Variants in CCSER1 observed in about 807,000 individuals in gnomAD.
CCSER1 encodes serine-rich coiled-coil domain-containing protein 1.
Under a neutral mutation model 82.0 loss-of-function variants are expected in CCSER1, and 41 were observed. That is an observed-to-expected ratio of 0.50 (90% confidence interval 0.39 to 0.65). The LOEUF (loss-of-function observed/expected upper bound fraction) is 0.65. Ranked by LOEUF, CCSER1 falls within the 30% of genes least tolerant of loss-of-function variation. CCSER1 has a pLI of 0.00. For missense variants in CCSER1, 1,119 were observed against 1,064.2 expected, an observed-to-expected ratio of 1.05 and a Z score of -0.72; for synonymous variants, 414 against 383.9, an observed-to-expected ratio of 1.08 and a Z score of -0.92.
At chr4:91,164,314 G>A (rs1195822908) in intron 10 of CCSER1, among the ~76,000 whole-genome samples, 2 of 152,114 alleles carry the variant, frequency 1.3e-5, no homozygotes, top group African/African-American at 4.8e-5. Context: ...TAGTCTGATG[G>A]GCTTCCCTTT....
chr4:91,120,189 C>A (rs1171299022), intron 10 of CCSER1, among the ~76,000 whole-genome samples: 1 of 151,868 alleles, frequency 6.6e-6, no homozygotes, highest in African/African-American at 2.4e-5. Flanking sequence ...TTCATTAATT[C>A]AATATTAAGT....
At position 91,496,707 on chromosome 4, in the gene CCSER1, T is replaced by A. The variant is rs1268323739; in HGVS notation, c.2218-101865T>A. ...AATATATATATATTCAATATATATA[T>A]ATATTCAATATATAGAATATATATA... On this transcript the variant is annotated intron_variant, in intron 10 of 10. Transcript: ENST00000509176. Among the ~76,000 whole-genome samples the A allele has an allele frequency of 4.2e-4, 16 of 37,758 alleles. 4 individuals are homozygous for A. Among genetic ancestry groups the A allele is most frequent in the East Asian group, 2.4e-3 (1 of 410 alleles). 24.8% of individuals were successfully genotyped at this position (37,758 alleles called of 152,430 possible).
intron 3 of CCSER1, among the ~76,000 whole-genome samples, chr4:90,325,241 T>A (rs547538878): frequency 6.6e-6 from 1 of 152,340 alleles, no homozygotes; most frequent in Admixed American, 6.5e-5. Flanking sequence ...TTACTATAAA[T>A]AGTCATGTTG....
chr4:90,396,660 A>G (rs1752003998), intron 3 of CCSER1, among the ~76,000 whole-genome samples: 1 of 152,038 alleles, frequency 6.6e-6, no homozygotes, highest in Non-Finnish European at 1.5e-5. Flanking sequence ...TCATATTGCC[A>G]GAGATTACCT....
intron 5 of CCSER1, among the ~76,000 whole-genome samples, chr4:90,564,815 G>GA: frequency 6.6e-6 from 1 of 151,874 alleles, no homozygotes; most frequent in East Asian, 1.9e-4. Flanking sequence ...CTCCTTTGTT[G>GA]AAAATCAGTT....
chr4:91,129,294 C>T (rs1436295609), intron 10 of CCSER1, among the ~76,000 whole-genome samples: 1 of 151,770 alleles, frequency 6.6e-6, no homozygotes, highest in Admixed American at 6.6e-5. Flanking sequence ...GACCGAAATC[C>T]TTCCATAAAC....
At chr4:91,396,143 T>G (rs1381975311) in intron 10 of CCSER1, among the ~76,000 whole-genome samples, 1 of 152,102 alleles carries the variant, frequency 6.6e-6, no homozygotes, top group Non-Finnish European at 1.5e-5. Flanking sequence ...GGCAACCAAC[T>G]GGGTCCTGTG....
chr4:91,298,823 C>T (rs1210157782), intron 10 of CCSER1, among the ~76,000 whole-genome samples: 1 of 151,920 alleles, frequency 6.6e-6, no homozygotes, highest in African/African-American at 2.4e-5. Flanking sequence ...CCAGCTTTTA[C>T]AAAATCCTCC....
chr4:90,592,424 T>C (rs116826461), intron 5 of CCSER1, among the ~76,000 whole-genome samples: 2,917 of 152,218 alleles, frequency 0.019, 107 homozygotes, highest in African/African-American at 0.067. Context: ...AAAATGTTTA[T>C]AGGGATACAT....
intron 1 of CCSER1, among the ~76,000 whole-genome samples, chr4:90,248,641 A>G (rs1425369307): frequency 6.6e-6 from 1 of 151,934 alleles, no homozygotes; most frequent in East Asian, 1.9e-4. Flanking sequence ...GGTCTAGAGG[A>G]GGGTGGATTT....
At chr4:90,299,745 T>A (rs1732732556) in intron 1 of CCSER1, among the ~76,000 whole-genome samples, 1 of 152,146 alleles carries the variant, frequency 6.6e-6, no homozygotes, top group Non-Finnish European at 1.5e-5. Context: ...GTAGATAGCA[T>A]GGTCTTTCTA....
Position 90,308,477 on chromosome 4 carries a change from A to T in CCSER1, c.193A>T (p.Thr65Ser). 6.2e-7 allele frequency: 1 copy of T among 1,613,738 alleles called. No homozygotes were observed. Among genetic ancestry groups the T allele is most frequent in the South Asian group, 1.1e-5 (1 of 91,068 alleles). Residue 65 changes from threonine (T) to serine (S), a missense_variant, in exon 2 of 11, where the codon ACT (threonine) becomes TCT (serine). By Grantham distance (58) the Thr-to-Ser change is moderately conservative (BLOSUM62 1). Transcript: ENST00000509176. ...AGGTAAACGGAGGAGCATATTCCGT[A>T]CTCCTTCCATTAGCTTCCACCATAA... ...STGKRRSIFR[T>S]PSISFHHKKG...
intron 4 of CCSER1, among the ~76,000 whole-genome samples, chr4:90,408,351 AC>A (rs1460601187): frequency 1.3e-5 from 2 of 152,024 alleles, no homozygotes. Flanking sequence ...TGGGTCCCTG[AC>A]CCCCGAGTAG....
intron 3 of CCSER1, among the ~76,000 whole-genome samples, chr4:90,334,856 GT>G (rs1303359717): frequency 6.6e-6 from 1 of 152,084 alleles, no homozygotes; most frequent in Non-Finnish European, 1.5e-5. Flanking sequence ...CAATTTATTA[GT>G]GACTGAAGTC....
intron 10 of CCSER1, among the ~76,000 whole-genome samples, chr4:91,421,711 A>C (rs972222279): frequency 1.3e-5 from 2 of 151,820 alleles, no homozygotes; most frequent in South Asian, 2.1e-4. Context: ...ATCATTACAC[A>C]GTGTAAATAT....
chr4:91,317,066 A>G (rs571095775), intron 10 of CCSER1, among the ~76,000 whole-genome samples: 1 of 152,172 alleles, frequency 6.6e-6, no homozygotes, highest in South Asian at 2.1e-4. Flanking sequence ...ACACAGAGAA[A>G]TGATAAATGT....
At chr4:90,729,993 C>G (rs1002351845) in intron 7 of CCSER1, among the ~76,000 whole-genome samples, 1 of 152,124 alleles carries the variant, frequency 6.6e-6, no homozygotes, top group Non-Finnish European at 1.5e-5. Context: ...AGTAACGTAA[C>G]CTGGTAACCT....
Position 91,255,617 on chromosome 4 carries a change from G to A in CCSER1, c.2217+169623G>A, listed in dbSNP as rs761071888. On this transcript the variant is annotated intron_variant, in intron 10 of 10. Transcript: ENST00000509176. ...TGCAGGAAGTCAGGGACACCGAAAG[G>A]AGGGACCTGCTGAAGCTGTGACAGA... is the stretch of plus-strand genomic sequence containing the variant. Among the ~76,000 whole-genome samples the A allele has an allele frequency of 2.6e-4, 40 of 152,182 alleles. 1 individual carries two copies. Among genetic ancestry groups the A allele is most frequent in the Middle Eastern group, 6.3e-3 (2 of 316 alleles).
intron 2 of CCSER1, among the ~76,000 whole-genome samples, chr4:90,310,574 C>A (rs1310622922): frequency 2.0e-5 from 3 of 152,062 alleles, no homozygotes; most frequent in Non-Finnish European, 1.5e-5. Context: ...TGTGTGTCCA[C>A]AATCACAAAA....
Sources: gnomAD v4.1 joint callset for allele counts (sites outside exome capture counted in the v4.1 genomes callset) on GRCh38, gnomAD v4.1.1 for gene constraint, MANE v1.5 for transcripts, NCBI Gene and HGNC (gene_info 2026-07-23, HGNC 2026-07-21) for gene names.